Variants in LRSAM1 observed in about 807,000 individuals in gnomAD.
LRSAM1 encodes E3 ubiquitin-protein ligase LRSAM1.
Under a neutral mutation model 118.1 loss-of-function variants are expected in LRSAM1, and 96 were observed. The observed-to-expected ratio is 0.81, with a 90% CI of 0.69 to 0.96. The LOEUF is 0.96. LRSAM1 is among the 40% of genes least tolerant of loss of function. LRSAM1 has a pLI of 0.00. For missense variants in LRSAM1, 804 were observed against 915.5 expected, an observed-to-expected ratio of 0.88 and a Z score of 1.57; for synonymous variants, 322 against 364.2, an observed-to-expected ratio of 0.88 and a Z score of 1.32.
chr9:127,481,360 C>A, intron 15 of LRSAM1, 133 bp downstream of exon 15: 1 of 888,590 alleles, frequency 1.1e-6, no homozygotes, highest in Non-Finnish European at 1.8e-6. Flanking sequence ...CCAAGCAATT[C>A]CCCTGCCTCA....
In LRSAM1 at chr9:127,457,296, C is replaced by A; in HGVS notation, c.175-20C>A. Reference sequence around the variant, plus strand: ...GCTGCTCTTCCTCAGCCCAGCATGGCCGCACATCTCTCCACACAGGTGCTG... The same window carrying A: ...GCTGCTCTTCCTCAGCCCAGCATGGACGCACATCTCTCCACACAGGTGCTG... On this transcript the variant is annotated intron_variant, in intron 5 of 25. Coordinates refer to ENST00000300417, the MANE Select transcript of LRSAM1 (RefSeq NM_001005373.4). 6.2e-7 allele frequency: 1 copy of A among 1,613,786 alleles called. No individual in the cohort carries two copies. Among genetic ancestry groups the A allele is most frequent in the African/African-American group, 1.3e-5 (1 of 75,066 alleles).
intron 16 of LRSAM1, among the ~76,000 whole-genome samples, chr9:127,484,263 C>CTTTTTTTTTTTTTTTTTTTCCTTT: frequency 7.5e-6 from 1 of 133,668 alleles, no homozygotes; most frequent in Admixed American, 7.7e-5. Context: ...ATTTCTTTCC[C>CTTTTTTTTTTTTTTTTTTTCCTTT]TTTTTTTTTT....
chr9:127,490,849 A>G (rs1835908457), intron 19 of LRSAM1, among the ~76,000 whole-genome samples: 1 of 152,170 alleles, frequency 6.6e-6, no homozygotes, highest in African/African-American at 2.4e-5. Context: ...CTTGACCAGC[A>G]GGAGACTGGG....
chr9:127,493,822 G>T (rs1836022072), intron 21 of LRSAM1, among the ~76,000 whole-genome samples: 1 of 152,194 alleles, frequency 6.6e-6, no homozygotes, highest in South Asian at 2.1e-4. Flanking sequence ...ACAGAGGCCA[G>T]GCTCACCATC....
intron 24 of LRSAM1, among the ~76,000 whole-genome samples, chr9:127,498,272 T>C (rs536230347): frequency 2.0e-5 from 3 of 152,308 alleles, no homozygotes; most frequent in African/African-American, 7.2e-5. Flanking sequence ...GGACACTGAC[T>C]CAACCCCCAA....
At chr9:127,491,901 C>G (rs1484308156) in intron 20 of LRSAM1, among the ~76,000 whole-genome samples, 1 of 152,204 alleles carries the variant, frequency 6.6e-6, no homozygotes, top group South Asian at 2.1e-4. Context: ...GCCCTTTCCC[C>G]TCTCTGAACC....
chr9:127,462,242 G>A lies in LRSAM1; in HGVS notation c.407-10G>A, dbSNP rs916806387. On this transcript the variant is annotated splice_polypyrimidine_tract_variant and intron_variant, in intron 8 of 25. Coordinates refer to ENST00000300417, the MANE Select transcript of LRSAM1 (RefSeq NM_001005373.4). ...TGGGGTGTTGAGCTGTGCTATTGGG[G>A]TCTCTGCAGACAACAAGCTGAAGGA... 8.1e-6 allele frequency: 13 copies of A among 1,613,938 alleles called. No individual in the cohort carries two copies. Among genetic ancestry groups the A allele is most frequent in the Non-Finnish European group, 1.1e-5 (13 of 1,179,910 alleles).
chr9:127,458,398 A>G (rs1192913890), intron 6 of LRSAM1, among the ~76,000 whole-genome samples: 1 of 148,848 alleles, frequency 6.7e-6, no homozygotes, highest in African/African-American at 2.5e-5. Flanking sequence ...CAAAAACAAA[A>G]CAAAACAAAA....
chr9:127,478,147 AATTAC>A (rs565383740), intron 11 of LRSAM1, among the ~76,000 whole-genome samples: 7 of 152,306 alleles, frequency 4.6e-5, no homozygotes, highest in African/African-American at 7.2e-5. Flanking sequence ...AAACACCAAT[AATTAC>A]ATTACATTAT....
chr9:127,467,344 C>T lies in LRSAM1; in HGVS notation c.529-396C>T, dbSNP rs542423830. Among the ~76,000 whole-genome samples the T allele has an allele frequency of 6.6e-5, 10 of 152,304 alleles. No homozygotes were observed. In the East Asian group the frequency reaches 1.2e-3, roughly 18 times the overall value. On this transcript the variant is annotated intron_variant, in intron 9 of 25. Coordinates refer to ENST00000300417, the MANE Select transcript of LRSAM1 (RefSeq NM_001005373.4). ...GGGGCTTTATGTGCCATCCACTGCG[C>T]GTGTCCCCAGGAGCTGCTGGTGCAG...
intron 11 of LRSAM1, 70 bp downstream of exon 11, chr9:127,474,001 G>C: frequency 6.2e-7 from 1 of 1,606,610 alleles, no homozygotes. Flanking sequence ...TGTTGAGGGA[G>C]CTGGGAATGG....
At chr9:127,467,648 G>A (rs1005912879) in intron 9 of LRSAM1, 92 bp from the exon 10 acceptor site, 6 of 1,226,828 alleles carry the variant, frequency 4.9e-6, no homozygotes, top group Non-Finnish European at 7.0e-6. Context: ...CTGGGTAGAG[G>A]TGACAGAGAA....
chr9:127,482,385 C>T (rs564188990), intron 15 of LRSAM1, among the ~76,000 whole-genome samples: 5 of 152,158 alleles, frequency 3.3e-5, no homozygotes, highest in East Asian at 1.9e-4. Context: ...TCAAGTCATC[C>T]GCCTGCCTCA....
In LRSAM1 at chr9:127,483,038, G is replaced by C. The variant is rs752478850; in HGVS notation, c.1159+18G>C. 6 of 1,606,276 alleles carry C rather than the reference G, an allele frequency of 3.7e-6. No individual in the cohort carries two copies. Among genetic ancestry groups the C allele is most frequent in the Non-Finnish European group, 5.1e-6 (6 of 1,176,320 alleles). On this transcript the variant is annotated intron_variant, in intron 16 of 25. Transcript: ENST00000300417. ...CGTTGCCTGTGAGTTTTGGGATGGG[G>C]AGCTTGTGAGCACGCTGCCTGCTGG...
Position 127,485,832 on chromosome 9 carries a change from C to T in LRSAM1, c.1256C>T (p.Ser419Phe). 6.2e-7 allele frequency: 1 copy of T among 1,613,986 alleles called. No individual in the cohort carries two copies. The highest frequency in any genetic ancestry group is 8.5e-7 in the Non-Finnish European group (1 of 1,179,916). ...CAGAACTTGGTCCAGCAGGCCTGTT[C>T]CAGGTAAGGTAAGGAAGAGGAGTCC... ...QRQNLVQQAC[S>F]SMAEMDERFQ... is the part of the protein sequence containing the mutation. The change falls in exon 17 of 26, where the codon TCC (serine) becomes TTC (phenylalanine). Residue 419 changes from serine to phenylalanine, a missense_variant. Coordinates refer to ENST00000300417, the MANE Select transcript of LRSAM1 (RefSeq NM_001005373.4).
intron 11 of LRSAM1, among the ~76,000 whole-genome samples, chr9:127,476,551 AAAAG>A (rs767906767): frequency 4.6e-5 from 7 of 152,294 alleles, no homozygotes; most frequent in East Asian, 1.9e-4. Flanking sequence ...CCTATCTCAA[AAAAG>A]AAAGAAAAAG....
At chr9:127,498,276 C>T (rs1836233127) in intron 24 of LRSAM1, among the ~76,000 whole-genome samples, 2 of 152,208 alleles carry the variant, frequency 1.3e-5, no homozygotes, top group South Asian at 2.1e-4. Context: ...ACTGACTCAA[C>T]CCCCAAAAAG....
At chr9:127,475,047 T>TTTATTATTATTATTATTA (rs149765084) in intron 11 of LRSAM1, among the ~76,000 whole-genome samples, 1 of 149,176 alleles carries the variant, frequency 6.7e-6, no homozygotes, top group African/African-American at 2.5e-5. Flanking sequence ...CATTTGGGAT[T>TTTATTATTATTATTATTA]TTATTATTAT....
intron 25 of LRSAM1, among the ~76,000 whole-genome samples, 166 bp downstream of exon 25, chr9:127,501,309 A>C (rs1360286853): frequency 6.6e-6 from 1 of 152,094 alleles, no homozygotes; most frequent in Non-Finnish European, 1.5e-5. Context: ...CCCATGACCC[A>C]AATATGAGCT....
Sources: allele counts gnomAD v4.1 joint callset (sites outside exome capture counted in the v4.1 genomes callset), GRCh38; gene constraint gnomAD v4.1.1; transcripts MANE v1.5; gene names NCBI Gene and HGNC (gene_info 2026-07-23, HGNC 2026-07-21).